The following PCSK9 variants were observed in gnomAD, a reference collection of about 807,000 sequenced individuals.
PCSK9 encodes convertase subtilisin/kexin type 9 preproprotein.
A neutral mutation model predicts 62.1 loss-of-function variants in PCSK9; 57 were observed. That is an observed-to-expected ratio of 0.92 (90% CI 0.74 to 1.14). The LOEUF is 1.14. Among genes scored for constraint, PCSK9 ranks in the 50% most tolerant of loss-of-function variants. The pLI is 0.00. For missense variants in PCSK9, 870 were observed against 959.8 expected (o/e 0.91, Z 1.24); for synonymous variants, 387 against 409.4 (o/e 0.95, Z 0.66).
rs1644592825 is a variant in PCSK9 at position 55,040,763 on chromosome 1, G to T, written c.207+719G>T. ...CCTTGGTGCTCTGGAGCCGGAGGTG[G>T]TGCGCCTGGTACTGGGACCCCGGAG... On this transcript the variant is annotated intron_variant, in intron 1 of 11. Transcript: ENST00000302118. The surrounding 1 kb of genome is among the most constrained non-coding windows in gnomAD (Gnocchi z 4.1). Among the ~76,000 whole-genome samples the T allele has an allele frequency of 6.6e-6, 1 of 152,234 alleles. No individual in the cohort carries two copies. The highest frequency in any genetic ancestry group is 2.4e-5 in the African/African-American group (1 of 41,458).
intron 6 of PCSK9, among the ~76,000 whole-genome samples, chr1:55,056,418 T>C (rs562026496): frequency 3.3e-5 from 5 of 152,082 alleles, no homozygotes; most frequent in Non-Finnish European, 5.9e-5. Context: ...TGAATAGCAG[T>C]GGCCCCGCCA....
chr1:55,048,145 G>A (rs1008982609), intron 3 of PCSK9, among the ~76,000 whole-genome samples: 1 of 152,176 alleles, frequency 6.6e-6, no homozygotes, highest in Non-Finnish European at 1.5e-5. Flanking sequence ...CTCCCGGGGG[G>A]CTCCAGGGAG....
intron 5 of PCSK9, 77 bp from the exon 6 acceptor site, chr1:55,055,916 C>T (rs1358002570): frequency 2.8e-6 from 4 of 1,407,500 alleles, no homozygotes; most frequent in Non-Finnish European, 3.9e-6. Flanking sequence ...TTAACCATCA[C>T]TCTGTGCCTG....
Position 55,063,884 on chromosome 1 carries a change from G to T in PCSK9, c.*300G>T. On this transcript the variant is annotated 3_prime_UTR_variant, in exon 12 of 12. Coordinates refer to ENST00000302118, the MANE Select transcript of PCSK9 (RefSeq NM_174936.4). ...TCGGGTGCTGCCAGCTGCTCCCAAT[G>T]TGCCGATGTCCGTGGGCAGAATGAC... 2.1e-6 allele frequency: 1 copy of T among 485,692 alleles called. No individual in the cohort carries two copies. Among genetic ancestry groups the T allele is most frequent in the Admixed American group, 3.5e-5 (1 of 28,852 alleles). The allele number at this position is 485,692 out of a possible 1,614,324, so 30.1% of individuals were successfully genotyped here. A position where few individuals can be genotyped will look rare whatever the true frequency, so the allele number is the denominator to read the frequency against.
At chr1:55,053,281 C>T (rs1407607207) in intron 5 of PCSK9, among the ~76,000 whole-genome samples, 1 of 152,104 alleles carries the variant, frequency 6.6e-6, no homozygotes, top group Non-Finnish European at 1.5e-5. Flanking sequence ...ACTGTGACTA[C>T]ATTTAGTCCA....
At chr1:55,043,727 T>A in intron 1 of PCSK9, 116 bp from the exon 2 acceptor site, 1 of 1,253,262 alleles carries the variant, frequency 8.0e-7, no homozygotes, top group Non-Finnish European at 1.1e-6. Flanking sequence ...CTTTATCATC[T>A]ACTATACTCT....
In PCSK9 at chr1:55,039,810, C is replaced by T; in HGVS notation, c.-28C>T. ...GCGCACGGCCTCTAGGTCTCCTCGC[C>T]AGGACAGCAACCTCTCCCCTGGCCC... On this transcript the variant is annotated 5_prime_UTR_variant, in exon 1 of 12. Coordinates refer to ENST00000302118, the MANE Select transcript of PCSK9 (RefSeq NM_174936.4). 1 of 1,569,674 alleles carries T rather than the reference C, an allele frequency of 6.4e-7. No homozygotes were observed. The highest frequency in any genetic ancestry group is 8.6e-7 in the Non-Finnish European group (1 of 1,158,586).
chr1:55,061,317 G>A, intron 10 of PCSK9, 58 bp from the exon 11 acceptor site: 1 of 1,532,890 alleles, frequency 6.5e-7, no homozygotes, highest in South Asian at 1.2e-5. Context: ...ATGGGGATGG[G>A]CACTGGAGAC....
intron 10 of PCSK9, among the ~76,000 whole-genome samples, chr1:55,061,171 C>G (rs1644756025): frequency 6.6e-6 from 1 of 152,162 alleles, no homozygotes; most frequent in Admixed American, 6.5e-5. Context: ...GAATGGCTCT[C>G]CCAAGGTCAC....
At chr1:55,046,824 T>C (rs1456984926) in intron 3 of PCSK9, among the ~76,000 whole-genome samples, 178 bp downstream of exon 3, 5 of 152,118 alleles carry the variant, frequency 3.3e-5, no homozygotes, top group African/African-American at 9.7e-5. Context: ...CTGCCTGCCT[T>C]CCTGTTGCCC....
At position 55,044,052 on chromosome 1, in the gene PCSK9, G is replaced by T. The variant is rs770406237; in HGVS notation, c.399+18G>T. On this transcript the variant is annotated intron_variant, in intron 2 of 11. Transcript: ENST00000302118. Reference sequence around the variant, plus strand: ...TGGAGCTGGTGAGCCACCCTTTTTGGGAATGGCACTTCCTGATAGGGCTGG... The same window carrying T: ...TGGAGCTGGTGAGCCACCCTTTTTGTGAATGGCACTTCCTGATAGGGCTGG... 2.5e-6 allele frequency: 4 copies of T among 1,613,798 alleles called. No individual in the cohort carries two copies. The Admixed American group carries it at 6.7e-5, about 27-fold the overall frequency.
chr1:55,044,738 G>A (rs953326772), intron 2 of PCSK9, among the ~76,000 whole-genome samples: 5 of 152,162 alleles, frequency 3.3e-5, no homozygotes, highest in Admixed American at 2.0e-4. Flanking sequence ...AGACAGTGAG[G>A]CCCCACGGTC....
chr1:55,040,836 G>C lies in PCSK9; in HGVS notation c.207+792G>C, dbSNP rs1187461137. On this transcript the variant is annotated intron_variant, in intron 1 of 11. Coordinates refer to ENST00000302118, the MANE Select transcript of PCSK9 (RefSeq NM_174936.4). This position sits in a 1 kb window ranked among gnomAD's most constrained non-coding sequence, Gnocchi z 4.1. Reference sequence around the variant, plus strand: ...CCTGGCTGTCTGCCGACCGTGTGCGGGGCGAGTTTGCTCAACAACTCTGCC... The same window carrying C: ...CCTGGCTGTCTGCCGACCGTGTGCGCGGCGAGTTTGCTCAACAACTCTGCC... 6.6e-6 allele frequency among the ~76,000 whole-genome samples: 1 copy of C among 152,220 alleles called. No homozygotes were observed. The highest frequency in any genetic ancestry group is 6.5e-5 in the Admixed American group (1 of 15,290).
chr1:55,053,702 G>A (rs1008425191), intron 5 of PCSK9, among the ~76,000 whole-genome samples: 1 of 152,248 alleles, frequency 6.6e-6, no homozygotes, highest in African/African-American at 2.4e-5. Flanking sequence ...TTCCTACAGA[G>A]TACAGGTTTT....
At position 55,039,696 on chromosome 1, in the gene PCSK9, C is replaced by T. The variant is rs926011277; in HGVS notation, c.-142C>T. On this transcript the variant is annotated 5_prime_UTR_variant, in exon 1 of 12. Transcript: ENST00000302118. ...GGCTCCCAGCTCCCAGCCAGGATTC[C>T]GCGCGCCCCTTCACGCGCCCTGCTC... 4 of 995,444 alleles carry T rather than the reference C, an allele frequency of 4.0e-6. No individual in the cohort carries two copies. Among genetic ancestry groups the T allele is most frequent in the African/African-American group, 3.2e-5 (2 of 61,752 alleles). The allele number at this position is 995,444 out of a possible 1,614,324, so 61.7% of individuals were successfully genotyped here.
At position 55,064,321 on chromosome 1, in the gene PCSK9, C is replaced by T. The variant is rs1002102713; in HGVS notation, c.*737C>T. ...GCACTGTCTCAGCCAACCCGCTCCA[C>T]TACCCGGCAGGGTACACATTCGCAC... is the stretch of plus-strand genomic sequence containing the variant. On this transcript the variant is annotated 3_prime_UTR_variant, in exon 12 of 12. Coordinates refer to ENST00000302118, the MANE Select transcript of PCSK9 (RefSeq NM_174936.4). 2.6e-5 allele frequency: 4 copies of T among 152,350 alleles called. No homozygotes were observed. Among genetic ancestry groups the T allele is most frequent in the African/African-American group, 9.6e-5 (4 of 41,476 alleles). 9.4% of individuals were successfully genotyped at this position (152,350 alleles called of 1,614,324 possible).
rs1330670703 is a variant in PCSK9, at chr1:55,044,094, T to C, written c.399+60T>C. The C allele has an allele frequency of 3.2e-6, 5 of 1,577,826 alleles. No individual in the cohort carries two copies. In the African/African-American group the frequency reaches 6.7e-5, roughly 21 times the overall value. ...TAGGGCTGGGCCACTGCATATACAC[T>C]GGGGACTGTGCTTAGTAGGCCCATT... On this transcript the variant is annotated intron_variant, in intron 2 of 11. Coordinates refer to ENST00000302118, the MANE Select transcript of PCSK9 (RefSeq NM_174936.4).
chr1:55,063,302 A>C, intron 11 of PCSK9, 67 bp from the exon 12 acceptor site: 1 of 1,523,570 alleles, frequency 6.6e-7, no homozygotes, highest in Non-Finnish European at 9.0e-7. Flanking sequence ...CGGAGGGAGA[A>C]ATGAAGTGTG....
intron 3 of PCSK9, among the ~76,000 whole-genome samples, chr1:55,050,131 A>G (rs1014169860): frequency 1.3e-5 from 2 of 152,196 alleles, no homozygotes; most frequent in Non-Finnish European, 2.9e-5. Flanking sequence ...CTGTCTGCCA[A>G]TGTATCCAGT....
Sources: allele counts gnomAD v4.1 joint callset (sites outside exome capture counted in the v4.1 genomes callset), GRCh38; gene constraint gnomAD v4.1.1; non-coding constraint Gnocchi (gnomAD v3.1); transcripts MANE v1.5; gene names NCBI Gene and HGNC (gene_info 2026-07-23, HGNC 2026-07-21).